PHACTR1: variants seen among roughly 807,000 people sequenced by gnomAD.
The protein encoded by PHACTR1 is RPEL repeat containing 1.
A neutral mutation model predicts 69.2 loss-of-function variants in PHACTR1; 16 were observed. The ratio of observed to expected loss-of-function variants is 0.23; its 90% CI spans 0.16 to 0.35. PHACTR1 has a LOEUF of 0.35. Among genes scored for constraint, PHACTR1 ranks in the 10% least tolerant of loss-of-function variants. The pLI is 1.00. For synonymous variants in PHACTR1, 312 were observed against 284.5 expected (o/e 1.10, Z -0.97); for missense variants, 510 against 734.7 (o/e 0.69, Z 3.54).
intron 4 of PHACTR1, among the ~76,000 whole-genome samples, chr6:12,833,872 G>A (rs1181935264): frequency 3.9e-5 from 6 of 152,030 alleles, no homozygotes; most frequent in South Asian, 4.1e-4. Flanking sequence ...ACTCCTGCCC[G>A]TACTTACCAT....
chr6:13,007,049 T>C (rs1398008602), intron 4 of PHACTR1, among the ~76,000 whole-genome samples: 2 of 152,242 alleles, frequency 1.3e-5, no homozygotes, highest in Admixed American at 1.3e-4. Context: ...TTGTGAACTT[T>C]AATGTTCTCA....
chr6:12,862,158 G>A (rs1308875942), intron 4 of PHACTR1, among the ~76,000 whole-genome samples: 1 of 152,206 alleles, frequency 6.6e-6, no homozygotes, highest in Non-Finnish European at 1.5e-5. Context: ...AGAGCAGATG[G>A]AAGGAGAAAG....
chr6:13,133,618 G>A (rs540130002), intron 5 of PHACTR1, among the ~76,000 whole-genome samples: 18 of 152,156 alleles, frequency 1.2e-4, no homozygotes, highest in Non-Finnish European at 2.4e-4. Context: ...CCAGGCTGGA[G>A]TGCAGTGGCG....
intron 6 of PHACTR1, among the ~76,000 whole-genome samples, chr6:13,163,042 C>G (rs925146980): frequency 6.6e-6 from 1 of 152,106 alleles, no homozygotes; most frequent in African/African-American, 2.4e-5. Context: ...GTCAGGAGTT[C>G]GAGACCAGCC....
At chr6:12,789,880 C>T (rs1320284702) in intron 4 of PHACTR1, among the ~76,000 whole-genome samples, 1 of 151,276 alleles carries the variant, frequency 6.6e-6, no homozygotes. Flanking sequence ...CACCCATCAA[C>T]TCGTCATTTA....
intron 4 of PHACTR1, among the ~76,000 whole-genome samples, chr6:12,884,846 C>A (rs1263544218): frequency 6.6e-6 from 1 of 152,162 alleles, no homozygotes; most frequent in Non-Finnish European, 1.5e-5. Context: ...TACACACACA[C>A]AAATCCTTGC....
chr6:13,123,868 G>A (rs1369153389), intron 5 of PHACTR1, among the ~76,000 whole-genome samples: 1 of 152,156 alleles, frequency 6.6e-6, no homozygotes, highest in African/African-American at 2.4e-5. Flanking sequence ...GTGGTCTGAG[G>A]CAGAGGCTGG....
At chr6:12,869,709 A>G (rs1450506275) in intron 4 of PHACTR1, among the ~76,000 whole-genome samples, 1 of 151,864 alleles carries the variant, frequency 6.6e-6, no homozygotes, top group East Asian at 1.9e-4. Context: ...AAATCTCCCC[A>G]CCTACATGAG....
chr6:12,902,983 A>C (rs557980267), intron 4 of PHACTR1, among the ~76,000 whole-genome samples: 65 of 152,276 alleles, frequency 4.3e-4, no homozygotes, highest in African/African-American at 1.6e-3. Context: ...ATGAGTTCCA[A>C]ACATCCCTGG....
intron 4 of PHACTR1, among the ~76,000 whole-genome samples, chr6:12,969,634 C>CA (rs1253509185): frequency 6.6e-6 from 1 of 151,870 alleles, no homozygotes; most frequent in Non-Finnish European, 1.5e-5. Flanking sequence ...AATCTTGCAC[C>CA]AAAAAAATAT....
intron 8 of PHACTR1, among the ~76,000 whole-genome samples, chr6:13,206,787 C>T (rs1283782902): frequency 6.6e-6 from 1 of 152,134 alleles, no homozygotes; most frequent in Non-Finnish European, 1.5e-5. Flanking sequence ...CTCACTCAGA[C>T]CTAGGACAGT....
chr6:13,067,476 G>C (rs1018491886), intron 5 of PHACTR1, among the ~76,000 whole-genome samples: 3 of 152,188 alleles, frequency 2.0e-5, no homozygotes, highest in Non-Finnish European at 2.9e-5. Context: ...TGAAGGAAGA[G>C]AAGCTCATCA....
intron 4 of PHACTR1, among the ~76,000 whole-genome samples, chr6:12,948,121 T>C (rs1790878085): frequency 6.6e-6 from 1 of 152,224 alleles, no homozygotes; most frequent in Non-Finnish European, 1.5e-5. Context: ...TGGATGGTTC[T>C]GCATCATTAG....
intron 4 of PHACTR1, among the ~76,000 whole-genome samples, chr6:12,832,288 T>A (rs1777668865): frequency 6.6e-6 from 1 of 152,176 alleles, no homozygotes. Context: ...GAACATCTTA[T>A]GTTAGCTAAG....
intron 4 of PHACTR1, among the ~76,000 whole-genome samples, chr6:12,766,285 T>G (rs1391898862): frequency 6.6e-6 from 1 of 152,170 alleles, no homozygotes; most frequent in African/African-American, 2.4e-5. Context: ...TTACAATTAA[T>G]TCATAGAAGG....
intron 5 of PHACTR1, among the ~76,000 whole-genome samples, chr6:13,150,029 C>T (rs1204714489): frequency 5.3e-5 from 8 of 152,188 alleles, no homozygotes; most frequent in Non-Finnish European, 1.2e-4. Flanking sequence ...TTGAGGATCA[C>T]TTGGCCTTAG....
chr6:12,829,433 C>T (rs1453560223), intron 4 of PHACTR1, among the ~76,000 whole-genome samples: 1 of 152,072 alleles, frequency 6.6e-6, no homozygotes, highest in Non-Finnish European at 1.5e-5. Context: ...GAGTTTTGTG[C>T]TTGACTTAGG....
At chr6:12,793,586 T>C (rs994246808) in intron 4 of PHACTR1, among the ~76,000 whole-genome samples, 6 of 152,204 alleles carry the variant, frequency 3.9e-5, no homozygotes, top group African/African-American at 1.4e-4. Flanking sequence ...TAAGCTCTGA[T>C]TGTATTAAGA....
chr6:12,922,384 T>C (rs1176445352), intron 4 of PHACTR1, among the ~76,000 whole-genome samples: 1 of 152,210 alleles, frequency 6.6e-6, no homozygotes, highest in East Asian at 1.9e-4. Context: ...TAATATTGGC[T>C]TTAGAGAACT....
Sources: gnomAD v4.1 joint callset for allele counts (sites outside exome capture counted in the v4.1 genomes callset) on GRCh38, gnomAD v4.1.1 for gene constraint, MANE v1.5 for transcripts, NCBI Gene and HGNC (gene_info 2026-07-23, HGNC 2026-07-21) for gene names.